Variants in IL36G observed in about 807,000 individuals in gnomAD.
IL36G encodes interleukin 36 gamma, also known as interleukin-36 gamma.
A neutral mutation model predicts 13.5 loss-of-function variants in IL36G; 10 were observed. The ratio of observed to expected loss-of-function variants is 0.74; its 90% CI spans 0.46 to 1.26. IL36G has a LOEUF of 1.26. IL36G is among the 50% of genes most tolerant of loss of function. IL36G has a pLI of 0.00. For missense variants in IL36G, 199 were observed against 203.0 expected (o/e 0.98, Z 0.12); for synonymous variants, 84 against 74.0 (o/e 1.13, Z -0.69).
At chr2:112,984,018 G>A (rs1312918283) in intron 4 of IL36G, among the ~76,000 whole-genome samples, 1 of 152,156 alleles carries the variant, frequency 6.6e-6, no homozygotes, top group Non-Finnish European at 1.5e-5. Context: ...TGGGTTAGAT[G>A]TTAGGGGATC....
chr2:112,981,023 A>G lies in IL36G; in HGVS notation c.300+875A>G, dbSNP rs568672918. ...TATGCCCCTTCCCCTAAAAACAACA[A>G]TGAAGTGTTCTGGGTGCTAACAACA... is the stretch of plus-strand genomic sequence containing the variant. On this transcript the variant is annotated intron_variant, in intron 4 of 4. Transcript: ENST00000259205. 2.2e-4 allele frequency: 132 copies of G among 598,368 alleles called. No homozygotes were observed. The African/African-American group carries it at 2.3e-3, about 10-fold the overall frequency. The allele number at this position is 598,368 out of a possible 1,614,324, so 37.1% of individuals were successfully genotyped here.
In IL36G at chr2:112,978,065, C is replaced by T. The variant is rs1260926973; in HGVS notation, c.-33C>T. On this transcript the variant is annotated 5_prime_UTR_variant, in exon 1 of 5. Coordinates refer to ENST00000259205, the MANE Select transcript of IL36G (RefSeq NM_019618.4). ...CAGTCCCCTGGACTGTAGATAAAGACCCTTTCTTGCCAGGTATAGTCAATA... is the reference window on the plus strand; with the variant it reads ...CAGTCCCCTGGACTGTAGATAAAGATCCTTTCTTGCCAGGTATAGTCAATA... 6.4e-6 allele frequency: 1 copy of T among 156,692 alleles called. No individual in the cohort carries two copies. The highest frequency in any genetic ancestry group is 2.4e-5 in the African/African-American group (1 of 41,486). 9.7% of individuals were successfully genotyped at this position (156,692 alleles called of 1,614,324 possible).
chr2:112,979,122 T>C, intron 2 of IL36G, 99 bp from the exon 3 acceptor site: 1 of 730,052 alleles, frequency 1.4e-6, no homozygotes, highest in Non-Finnish European at 2.4e-6. Flanking sequence ...CCCCACACCT[T>C]CCTTACAAAA....
At chr2:112,983,992 C>T (rs1187972711) in intron 4 of IL36G, among the ~76,000 whole-genome samples, 3 of 151,986 alleles carry the variant, frequency 2.0e-5, no homozygotes, top group African/African-American at 4.8e-5. Context: ...GAAATAGAGT[C>T]CACAGGCCTT....
rs890659425 is a variant in IL36G at position 112,981,822 on chromosome 2, A to G, written c.300+1674A>G. Among the ~76,000 whole-genome samples the G allele has an allele frequency of 3.3e-5, 5 of 152,104 alleles. No homozygotes were observed. In the South Asian group the frequency reaches 1.0e-3, roughly 32 times the overall value. ...TCATCCTTTTATAGCATTTCCTGAA[A>G]TTTCAATCTTTACTCTTTTAATTCC... On this transcript the variant is annotated intron_variant, in intron 4 of 4. Coordinates refer to ENST00000259205, the MANE Select transcript of IL36G (RefSeq NM_019618.4).
rs1303537578 is a variant in IL36G, at chr2:112,985,418, G to A, written c.*369G>A. ...TACCCACGATGGCATGACTAGCACAGAGCTGATCTCTGTTTCTGTTTTGCT... is the reference window on the plus strand; with the variant it reads ...TACCCACGATGGCATGACTAGCACAAAGCTGATCTCTGTTTCTGTTTTGCT... On this transcript the variant is annotated 3_prime_UTR_variant, in exon 5 of 5. Transcript: ENST00000259205. The A allele has an allele frequency of 4.8e-6, 1 of 210,514 alleles. No homozygotes were observed. Among genetic ancestry groups the A allele is most frequent in the East Asian group, 1.1e-4 (1 of 9,046 alleles). The allele number at this position is 210,514 out of a possible 1,614,324, so 13.0% of individuals were successfully genotyped here.
At position 112,980,167 on chromosome 2, in the gene IL36G, T is replaced by C; in HGVS notation, c.300+19T>C. On this transcript the variant is annotated intron_variant, in intron 4 of 4. Transcript: ENST00000259205. ...GCTAAAAGTGAGTAGCTAAGAAAAATATTTAAAAAGCCTTTCCTTTTAGAA... is the reference window on the plus strand; with the variant it reads ...GCTAAAAGTGAGTAGCTAAGAAAAACATTTAAAAAGCCTTTCCTTTTAGAA... 1 of 1,603,952 alleles carries C rather than the reference T, an allele frequency of 6.2e-7. No homozygotes were observed. The highest frequency in any genetic ancestry group is 1.3e-5 in the African/African-American group (1 of 74,328).
At chr2:112,982,133 T>C (rs1308333454) in intron 4 of IL36G, among the ~76,000 whole-genome samples, 1 of 152,174 alleles carries the variant, frequency 6.6e-6, no homozygotes, top group African/African-American at 2.4e-5. Context: ...TTACCTCTCC[T>C]AGAAAAATAA....
At chr2:112,979,899 A>T in intron 3 of IL36G, 110 bp from the exon 4 acceptor site, 1 of 1,046,312 alleles carries the variant, frequency 9.6e-7, no homozygotes, top group Non-Finnish European at 1.4e-6. Flanking sequence ...AGTTGGGATT[A>T]CACTCTTCAG....
chr2:112,978,161 G>A (rs1443586807), intron 1 of IL36G, 83 bp downstream of exon 1: 2 of 166,982 alleles, frequency 1.2e-5, no homozygotes, highest in Non-Finnish European at 2.6e-5. Context: ...ATGAAGGGAA[G>A]GGCCACATCA....
chr2:112,980,346 T>C (rs1558817613), intron 4 of IL36G, among the ~76,000 whole-genome samples, 198 bp downstream of exon 4: 1 of 152,184 alleles, frequency 6.6e-6, no homozygotes, highest in Non-Finnish European at 1.5e-5. Context: ...TTTGCTTTTT[T>C]TTTTTCCAAG....
chr2:112,980,065 G>C lies in IL36G; in HGVS notation c.217G>C (p.Asp73His). ...AGAGGCTCTTGAGCAAGGCAGAGGG[G>C]ATCCCATTTATTTGGGAATCCAGAA... ...YPEALEQGRG[D>H]PIYLGIQNPE... Residue 73 changes from aspartate to histidine, a missense_variant, in exon 4 of 5, where the codon GAT becomes CAT. Transcript: ENST00000259205. The C allele has an allele frequency of 6.2e-7, 1 of 1,613,602 alleles. No homozygotes were observed. Among genetic ancestry groups the C allele is most frequent in the Non-Finnish European group, 8.5e-7 (1 of 1,179,500 alleles).
chr2:112,980,791 T>A (rs1193168929), intron 4 of IL36G, among the ~76,000 whole-genome samples: 1 of 152,198 alleles, frequency 6.6e-6, no homozygotes, highest in Non-Finnish European at 1.5e-5. Context: ...TTAAAGGAGT[T>A]AAATCTATGC....
rs1684221083 is a variant in IL36G at position 112,979,313 on chromosome 2, A to T, written c.148A>T (p.Ser50Cys). 6.2e-7 allele frequency: 1 copy of T among 1,606,810 alleles called. No homozygotes were observed. Among genetic ancestry groups the T allele is most frequent in the African/African-American group, 1.3e-5 (1 of 74,826 alleles). The stretch of plus-strand genomic sequence containing the variant: ...CCTTGTGGCAGTTCCACGAAGTGAC[A>T]GTGTGACCCCAGGTGAGTGGTCACC... ...QNLVAVPRSD[S>C]VTPVTVAVIT... Residue 50 changes from serine to cysteine, a missense_variant, in exon 3 of 5, where the codon AGT becomes TGT. Coordinates refer to ENST00000259205, the MANE Select transcript of IL36G (RefSeq NM_019618.4).
At position 112,985,141 on chromosome 2, in the gene IL36G, C is replaced by A; in HGVS notation, c.*92C>A. 2.3e-6 allele frequency: 2 copies of A among 872,784 alleles called. No individual in the cohort carries two copies. Among genetic ancestry groups the A allele is most frequent in the Non-Finnish European group, 3.6e-6 (2 of 561,248 alleles). 54.1% of individuals were successfully genotyped at this position (872,784 alleles called of 1,614,324 possible). On this transcript the variant is annotated 3_prime_UTR_variant, in exon 5 of 5. Transcript: ENST00000259205. ...ACATTTTCTTAGTGTCATTTTCACGCTGGTGCTGAGACAGGGGCAAGGCTG... is the reference window on the plus strand; with the variant it reads ...ACATTTTCTTAGTGTCATTTTCACGATGGTGCTGAGACAGGGGCAAGGCTG...
Position 112,985,309 on chromosome 2 carries a change from C to T in IL36G, c.*260C>T. 1 of 438,192 alleles carries T rather than the reference C, an allele frequency of 2.3e-6. No homozygotes were observed. Among genetic ancestry groups the T allele is most frequent in the Non-Finnish European group, 4.1e-6 (1 of 241,190 alleles). The allele number at this position is 438,192 out of a possible 1,614,324, so 27.1% of individuals were successfully genotyped here. On this transcript the variant is annotated 3_prime_UTR_variant, in exon 5 of 5. Transcript: ENST00000259205. ...TGCTGTGTAGGCCACAAGGCATCTGCATGAGTGACTTTAAGACTCAAAGAC... is the reference window on the plus strand; with the variant it reads ...TGCTGTGTAGGCCACAAGGCATCTGTATGAGTGACTTTAAGACTCAAAGAC...
intron 4 of IL36G, among the ~76,000 whole-genome samples, chr2:112,984,552 G>C (rs753695419): frequency 1.3e-5 from 2 of 152,102 alleles, no homozygotes; most frequent in Admixed American, 6.5e-5. Context: ...TCAGCCTCTT[G>C]TGTGAGAAGA....
chr2:112,981,152 A>T, intron 4 of IL36G: 1 of 1,086,502 alleles, frequency 9.2e-7, no homozygotes, highest in Non-Finnish European at 1.4e-6. Context: ...GTTATCAAAA[A>T]TGCACACACT....
At chr2:112,981,132 G>C in intron 4 of IL36G, 1 of 972,866 alleles carries the variant, frequency 1.0e-6, no homozygotes, top group Non-Finnish European at 1.6e-6. Context: ...ACAGTCACCA[G>C]AAGTACACAG....
Sources: gnomAD v4.1 joint callset for allele counts (sites outside exome capture counted in the v4.1 genomes callset) on GRCh38, gnomAD v4.1.1 for gene constraint, MANE v1.5 for transcripts, NCBI Gene and HGNC (gene_info 2026-07-23, HGNC 2026-07-21) for gene names.